The following EPC2 variants were observed in gnomAD, a reference collection of about 807,000 sequenced individuals.
EPC2 encodes enhancer of polycomb 2.
Under a neutral mutation model 92.1 loss-of-function variants are expected in EPC2, and 14 were observed. That is an observed-to-expected ratio of 0.15 (90% confidence interval 0.10 to 0.24). The LOEUF is 0.24. EPC2 is among the 10% of genes least tolerant of loss of function. The pLI, the probability that EPC2 is intolerant of heterozygous loss-of-function variation, is 1.00. For synonymous variants in EPC2, 340 were observed against 334.7 expected (o/e 1.02, Z -0.17); for missense variants, 755 against 971.5 (o/e 0.78, Z 2.96).
At chr2:148,776,267 A>G (rs766516828) in intron 10 of EPC2, among the ~76,000 whole-genome samples, 6 of 152,210 alleles carry the variant, frequency 3.9e-5, no homozygotes, top group African/African-American at 7.2e-5. Flanking sequence ...TCCAGAAGTG[A>G]GAAACGGATT....
At chr2:148,681,550 TAAA>T (rs1442737789) in intron 1 of EPC2, among the ~76,000 whole-genome samples, 1 of 152,160 alleles carries the variant, frequency 6.6e-6, no homozygotes, top group African/African-American at 2.4e-5. Flanking sequence ...CGATCGACAA[TAAA>T]AAACATTTTA....
chr2:148,730,208 T>C (rs1454342498), intron 2 of EPC2, among the ~76,000 whole-genome samples: 2 of 152,228 alleles, frequency 1.3e-5, no homozygotes, highest in African/African-American at 4.8e-5. Context: ...GTCCTAGGTA[T>C]CAGCATTCAG....
chr2:148,672,610 T>C (rs191921050), intron 1 of EPC2, among the ~76,000 whole-genome samples: 3 of 152,208 alleles, frequency 2.0e-5, no homozygotes, highest in Non-Finnish European at 4.4e-5. Context: ...TGCCTTTTGC[T>C]CACCACCGCT....
intron 2 of EPC2, among the ~76,000 whole-genome samples, chr2:148,712,413 A>G (rs1238347204): frequency 1.3e-5 from 2 of 151,954 alleles, no homozygotes; most frequent in African/African-American, 4.8e-5. Flanking sequence ...GTCATTCGAC[A>G]CACAGACACA....
intron 2 of EPC2, among the ~76,000 whole-genome samples, chr2:148,711,052 T>C (rs1682132416): frequency 6.6e-6 from 1 of 152,136 alleles, no homozygotes; most frequent in Admixed American, 6.6e-5. Flanking sequence ...CAGCTTTTGG[T>C]GTTATTGTTT....
At chr2:148,658,689 A>G (rs1680868254) in intron 1 of EPC2, among the ~76,000 whole-genome samples, 1 of 151,396 alleles carries the variant, frequency 6.6e-6, no homozygotes, top group African/African-American at 2.4e-5. Context: ...ATGAGCTACT[A>G]GATTGATTTC....
At chr2:148,677,330 C>G (rs1198951372) in intron 1 of EPC2, among the ~76,000 whole-genome samples, 2 of 152,120 alleles carry the variant, frequency 1.3e-5, no homozygotes, top group African/African-American at 4.8e-5. Context: ...TGCCAACTCT[C>G]TTAACAAGAA....
intron 10 of EPC2, among the ~76,000 whole-genome samples, chr2:148,777,546 G>A (rs1683670668): frequency 1.4e-5 from 2 of 139,604 alleles, no homozygotes; most frequent in South Asian, 2.5e-4. Flanking sequence ...AGTTAACAAA[G>A]ATTTCCCATA....
intron 1 of EPC2, among the ~76,000 whole-genome samples, chr2:148,659,376 A>T (rs189864389): frequency 2.4e-3 from 361 of 151,348 alleles, no homozygotes; most frequent in African/African-American, 4.5e-3. Flanking sequence ...TTGCTTTTTT[A>T]AAAAAAAATA....
intron 1 of EPC2, among the ~76,000 whole-genome samples, chr2:148,686,927 C>A (rs1195346220): frequency 6.6e-6 from 1 of 152,172 alleles, no homozygotes; most frequent in Admixed American, 6.5e-5. Flanking sequence ...AGCTGATTAG[C>A]CCCTAACAAG....
chr2:148,722,910 AAGAC>A (rs2105392138), intron 2 of EPC2, among the ~76,000 whole-genome samples: 1 of 152,306 alleles, frequency 6.6e-6, no homozygotes, highest in East Asian at 1.9e-4. Context: ...TAAGTAAACT[AAGAC>A]AGGAACAGAA....
chr2:148,781,583 G>T, intron 10 of EPC2, 61 bp from the exon 11 acceptor site: 1 of 1,472,580 alleles, frequency 6.8e-7, no homozygotes, highest in East Asian at 2.3e-5. Context: ...ATCATATTCT[G>T]CTTGTGTTAT....
Position 148,783,725 on chromosome 2 carries a change from C to T in EPC2, c.1986C>T (p.His662=). 1 of 1,592,624 alleles carries T rather than the reference C, an allele frequency of 6.3e-7. No individual in the cohort carries two copies. The highest frequency in any genetic ancestry group is 1.1e-5 in the South Asian group (1 of 87,408). The change falls in exon 12 of 14, where the codon CAC becomes CAT. Residue 662 remains histidine, a synonymous_variant. Transcript: ENST00000258484. ...TAGCCAAGGAACAGAACACTGGCCACAACAACATAAACGGTGTTGTCCAGC... is the reference window on the plus strand; with the variant it reads ...TAGCCAAGGAACAGAACACTGGCCATAACAACATAAACGGTGTTGTCCAGC... The part of the protein sequence containing the change: ...SEVAKEQNTG[H]NNINGVVQPS...
At chr2:148,750,462 T>G (rs1683064674) in intron 3 of EPC2, among the ~76,000 whole-genome samples, 2 of 152,126 alleles carry the variant, frequency 1.3e-5, no homozygotes, top group Admixed American at 1.3e-4. Context: ...TCTACCAGTC[T>G]TTGTTGTTGT....
chr2:148,688,884 TAAA>T (rs1164004451), intron 1 of EPC2, among the ~76,000 whole-genome samples: 45 of 152,110 alleles, frequency 3.0e-4, no homozygotes, highest in African/African-American at 9.4e-4. Flanking sequence ...AGAGGGGCAG[TAAA>T]CAAATGAGAT....
At chr2:148,743,577 T>A in intron 2 of EPC2, 45 bp from the exon 3 acceptor site, 2 of 1,441,684 alleles carry the variant, frequency 1.4e-6, no homozygotes, top group Non-Finnish European at 1.8e-6. Flanking sequence ...AATGTATAAT[T>A]TCATAATTTC....
chr2:148,667,084 T>C (rs750280652), intron 1 of EPC2, among the ~76,000 whole-genome samples: 30 of 152,340 alleles, frequency 2.0e-4, no homozygotes, highest in South Asian at 2.1e-4. Context: ...AGGATTGATA[T>C]GGTTGAAAAT....
chr2:148,659,035 C>T (rs996052753), intron 1 of EPC2, among the ~76,000 whole-genome samples: 1 of 151,902 alleles, frequency 6.6e-6, no homozygotes, highest in South Asian at 2.1e-4. Flanking sequence ...TGGCAGAAAA[C>T]TAGAGACAAA....
intron 10 of EPC2, among the ~76,000 whole-genome samples, chr2:148,777,693 C>T (rs1287591358): frequency 1.3e-4 from 20 of 152,060 alleles, no homozygotes; most frequent in Admixed American, 1.3e-3. Context: ...AAGCAGAGCA[C>T]CATACAGGAA....
Sources: allele counts gnomAD v4.1 joint callset (sites outside exome capture counted in the v4.1 genomes callset), GRCh38; gene constraint gnomAD v4.1.1; transcripts MANE v1.5; gene names NCBI Gene and HGNC (gene_info 2026-07-23, HGNC 2026-07-21).